Variants in FAM135B observed in about 807,000 individuals in gnomAD.
FAM135B encodes the protein protein FAM135B.
FAM135B carries 43 observed loss-of-function variants against 127.7 expected under a neutral mutation model. The ratio of observed to expected loss-of-function variants is 0.34; its 90% CI spans 0.26 to 0.43. FAM135B has a LOEUF of 0.43. FAM135B is among the 20% of genes least tolerant of loss of function. FAM135B has a pLI of 1.00. For synonymous variants in FAM135B, 670 were observed against 665.1 expected, an observed-to-expected ratio of 1.01 and a Z score of -0.11; for missense variants, 1,558 against 1,725.6, an observed-to-expected ratio of 0.90 and a Z score of 1.72.
intron 2 of FAM135B, among the ~76,000 whole-genome samples, chr8:138,362,989 T>C (rs531092468): frequency 3.9e-5 from 6 of 152,246 alleles, no homozygotes; most frequent in African/African-American, 1.4e-4. Flanking sequence ...AAATCTGGGG[T>C]GAACACAATA....
chr8:138,323,584 T>C (rs1326037518), intron 2 of FAM135B, among the ~76,000 whole-genome samples: 1 of 152,246 alleles, frequency 6.6e-6, no homozygotes, highest in Non-Finnish European at 1.5e-5. Context: ...GAGTCCTTAC[T>C]GTCCCTGGTG....
At chr8:138,237,150 A>ATTTTTTTTT (rs10604150) in intron 7 of FAM135B, among the ~76,000 whole-genome samples, 7 of 101,320 alleles carry the variant, frequency 6.9e-5, no homozygotes, top group Non-Finnish European at 9.4e-5. Context: ...TGGATCCTTG[A>ATTTTTTTTT]TTTTTTTTTT....
At chr8:138,312,348 T>C (rs1238511678) in intron 2 of FAM135B, among the ~76,000 whole-genome samples, 2 of 152,046 alleles carry the variant, frequency 1.3e-5, no homozygotes, top group African/African-American at 2.4e-5. Context: ...CAACAAAAGC[T>C]CTAACTGTAT....
chr8:138,429,786 T>G (rs116408249), intron 1 of FAM135B, among the ~76,000 whole-genome samples: 2,985 of 152,248 alleles, frequency 0.02, 96 homozygotes, highest in African/African-American at 0.067. Flanking sequence ...CAACAGATAT[T>G]TGCTCTTAGG....
chr8:138,459,449 G>C (rs147540038), intron 1 of FAM135B: 12 of 152,320 alleles, frequency 7.9e-5, no homozygotes, highest in African/African-American at 2.9e-4. Flanking sequence ...GTCCGTGACA[G>C]TCTGTCACTA....
chr8:138,479,244 A>G (rs534900433), intron 1 of FAM135B, among the ~76,000 whole-genome samples: 2 of 152,272 alleles, frequency 1.3e-5, no homozygotes, highest in Non-Finnish European at 2.9e-5. Flanking sequence ...GTGGGTTTTT[A>G]TGGCAGTTTC....
intron 1 of FAM135B, among the ~76,000 whole-genome samples, chr8:138,375,751 A>G (rs1331938396): frequency 6.6e-6 from 1 of 152,124 alleles, no homozygotes; most frequent in African/African-American, 2.4e-5. Flanking sequence ...ATCATTATCC[A>G]GAATGGTGTA....
chr8:138,232,799 C>G (rs1820000056), intron 7 of FAM135B, among the ~76,000 whole-genome samples: 1 of 152,000 alleles, frequency 6.6e-6, no homozygotes, highest in Admixed American at 6.6e-5. Context: ...CCAGTAAAAA[C>G]TTTTAATTTG....
chr8:138,381,274 T>A (rs1396421804), intron 1 of FAM135B, among the ~76,000 whole-genome samples: 2 of 152,148 alleles, frequency 1.3e-5, no homozygotes, highest in East Asian at 3.9e-4. Flanking sequence ...CTCCACTACC[T>A]CTAAATATGG....
intron 2 of FAM135B, 120 bp from the exon 3 acceptor site, chr8:138,311,040 A>G (rs1471994154): frequency 2.9e-6 from 2 of 701,740 alleles, no homozygotes; most frequent in Non-Finnish European, 4.8e-6. Context: ...GGCAGCATGC[A>G]CAATCATCTG....
intron 1 of FAM135B, among the ~76,000 whole-genome samples, chr8:138,404,036 A>T (rs1833306723): frequency 6.6e-6 from 1 of 152,102 alleles, no homozygotes; most frequent in South Asian, 2.1e-4. Context: ...ATTATAGGTA[A>T]TCTTACACCA....
intron 1 of FAM135B, among the ~76,000 whole-genome samples, chr8:138,388,631 A>T (rs1832358885): frequency 6.6e-6 from 1 of 152,216 alleles, no homozygotes; most frequent in African/African-American, 2.4e-5. Context: ...TAAAGTGAAA[A>T]AATGCCAATC....
At position 138,455,107 on chromosome 8, in the gene FAM135B, G is replaced by A. The variant is rs548135106; in HGVS notation, c.-20+41564C>T. On this transcript the variant is annotated intron_variant, in intron 1 of 19. Transcript: ENST00000395297. ...ATTTTGTGACCTTCAGAAAGAGAAA[G>A]TCTTTGGGGGATCTATTTTAATGTA... Among the ~76,000 whole-genome samples the A allele has an allele frequency of 2.0e-4, 30 of 152,328 alleles. No homozygotes were observed. The East Asian group carries it at 4.8e-3, about 24-fold the overall frequency.
At chr8:138,204,972 C>T (rs1488604759) in intron 7 of FAM135B, among the ~76,000 whole-genome samples, 3 of 152,136 alleles carry the variant, frequency 2.0e-5, no homozygotes, top group Non-Finnish European at 4.4e-5. Flanking sequence ...ATCTATAATG[C>T]TACTAACAGT....
intron 7 of FAM135B, among the ~76,000 whole-genome samples, chr8:138,206,904 C>A (rs1350917840): frequency 1.3e-5 from 2 of 151,206 alleles, no homozygotes; most frequent in African/African-American, 4.9e-5. Context: ...CACCTACACA[C>A]AACTTCAGCA....
chr8:138,250,184 C>A (rs1238355892), intron 6 of FAM135B, among the ~76,000 whole-genome samples: 1 of 152,040 alleles, frequency 6.6e-6, no homozygotes, highest in Non-Finnish European at 1.5e-5. Flanking sequence ...GAAACCCCGT[C>A]TCTACTAAAA....
chr8:138,453,129 A>C (rs1836585323), intron 1 of FAM135B, among the ~76,000 whole-genome samples: 1 of 152,134 alleles, frequency 6.6e-6, no homozygotes, highest in African/African-American at 2.4e-5. Flanking sequence ...AGAAGTAAAA[A>C]ATGAGCTTCA....
At chr8:138,347,365 G>C (rs990578072) in intron 2 of FAM135B, among the ~76,000 whole-genome samples, 1 of 152,186 alleles carries the variant, frequency 6.6e-6, no homozygotes, top group Non-Finnish European at 1.5e-5. Flanking sequence ...GAGCCTCAAA[G>C]TGAGAGAACA....
At chr8:138,208,184 C>T (rs970129562) in intron 7 of FAM135B, among the ~76,000 whole-genome samples, 7 of 152,042 alleles carry the variant, frequency 4.6e-5, no homozygotes, top group African/African-American at 1.4e-4. Context: ...CAGGAGAGTC[C>T]GTCAGTGCTG....
Sources: allele counts gnomAD v4.1 joint callset (sites outside exome capture counted in the v4.1 genomes callset), GRCh38; gene constraint gnomAD v4.1.1; transcripts MANE v1.5; gene names NCBI Gene and HGNC (gene_info 2026-07-23, HGNC 2026-07-21).